HIVEP3: variants seen among roughly 807,000 people sequenced by gnomAD.
HIVEP3 encodes transcription factor HIVEP3.
HIVEP3 carries 49 observed loss-of-function variants against 152.8 expected under a neutral mutation model. The observed-to-expected ratio is 0.32, with a 90% CI of 0.26 to 0.41. The LOEUF is 0.41. Ranked by LOEUF, HIVEP3 falls within the 10% of genes least tolerant of loss-of-function variation. The pLI, the probability that HIVEP3 is intolerant of heterozygous loss-of-function variation, is 1.00. For missense variants in HIVEP3, 2,790 were observed against 3,103.3 expected, an observed-to-expected ratio of 0.90 and a Z score of 2.40; for synonymous variants, 1,269 against 1,289.0, an observed-to-expected ratio of 0.98 and a Z score of 0.33.
intron 1 of HIVEP3, among the ~76,000 whole-genome samples, chr1:41,982,836 A>T (rs1645301005): frequency 6.6e-6 from 1 of 152,248 alleles, no homozygotes; most frequent in Non-Finnish European, 1.5e-5. Flanking sequence ...CCTGGTACAG[A>T]GTAGGTGCCT....
At chr1:41,719,902 C>G (rs1646651243) in intron 1 of HIVEP3, among the ~76,000 whole-genome samples, 1 of 152,228 alleles carries the variant, frequency 6.6e-6, no homozygotes, top group Non-Finnish European at 1.5e-5. Context: ...AGCCCAGACG[C>G]TTCCTGGCTC....
At chr1:41,850,955 C>T (rs922097917) in intron 1 of HIVEP3, among the ~76,000 whole-genome samples, 1 of 152,198 alleles carries the variant, frequency 6.6e-6, no homozygotes, top group African/African-American at 2.4e-5. Context: ...TCATGTCAGG[C>T]TCCTTCTGTA....
At chr1:41,644,415 A>T (rs1395000525) in intron 2 of HIVEP3, among the ~76,000 whole-genome samples, 2 of 152,100 alleles carry the variant, frequency 1.3e-5, no homozygotes, top group African/African-American at 4.8e-5. Context: ...CCTCCTCTCA[A>T]ACCAAAAACC....
intron 1 of HIVEP3, among the ~76,000 whole-genome samples, chr1:41,759,558 A>C (rs1218404668): frequency 2.0e-5 from 3 of 152,186 alleles, no homozygotes; most frequent in Non-Finnish European, 4.4e-5. Context: ...GTATAGACCT[A>C]GGAGTGGAAT....
At chr1:41,611,616 C>A (rs1644897824) in intron 3 of HIVEP3, among the ~76,000 whole-genome samples, 1 of 152,224 alleles carries the variant, frequency 6.6e-6, no homozygotes, top group Admixed American at 6.5e-5. Flanking sequence ...GTGTGTGTCT[C>A]AACCACTTCC....
At chr1:41,989,293 T>A (rs920804178) in intron 1 of HIVEP3, among the ~76,000 whole-genome samples, 4 of 152,142 alleles carry the variant, frequency 2.6e-5, no homozygotes, top group African/African-American at 9.7e-5. Flanking sequence ...TTGCACAGTA[T>A]GTGTACATAT....
At position 41,918,265 on chromosome 1, in the gene HIVEP3, C is replaced by A. The variant is rs555050737; in HGVS notation, c.-801+148G>T. 1 of 153,848 alleles carries A rather than the reference C, an allele frequency of 6.5e-6. No homozygotes were observed. The highest frequency in any genetic ancestry group is 1.5e-5 in the Non-Finnish European group (1 of 68,724). 9.5% of individuals were successfully genotyped at this position (153,848 alleles called of 1,614,324 possible). A position where few individuals can be genotyped will look rare whatever the true frequency, so the allele number is the denominator to read the frequency against. ...CGGCCGGCCCCTGCGTCTCGGCAGC[C>A]GGACACCTTGCCTAAGAAAGGCATA... On this transcript the variant is annotated intron_variant, in intron 1 of 8. Transcript: ENST00000372583. This position sits in a 1 kb window ranked among gnomAD's most constrained non-coding sequence, Gnocchi z 4.3.
intron 1 of HIVEP3, among the ~76,000 whole-genome samples, chr1:41,897,891 G>C (rs1644555332): frequency 6.6e-6 from 1 of 151,186 alleles, no homozygotes; most frequent in Middle Eastern, 3.4e-3. Flanking sequence ...ATTCTTTATT[G>C]CTGGGAGAAG....
At chr1:41,551,149 G>A (rs977925133) in intron 5 of HIVEP3, among the ~76,000 whole-genome samples, 4 of 152,040 alleles carry the variant, frequency 2.6e-5, no homozygotes, top group Non-Finnish European at 4.4e-5. Flanking sequence ...GGTTTTTGTC[G>A]ATGGTTCTGT....
intron 5 of HIVEP3, among the ~76,000 whole-genome samples, chr1:41,540,982 G>A (rs1251750191): frequency 1.3e-5 from 2 of 152,168 alleles, no homozygotes; most frequent in Admixed American, 6.5e-5. Flanking sequence ...CAGCCAGTAG[G>A]TGAGTGGGTG....
rs1644420805 is a variant in HIVEP3 at position 41,509,664 on chromosome 1, T to TG, written c.*786dup. ...GGGAGGTGTCTGGAGTGGGGGTGCG[T>TG]GGGTGGGGTGGCCTGCCCACCTGTG... On this transcript the variant is annotated 3_prime_UTR_variant, in exon 9 of 9. Transcript: ENST00000372583. 1 of 148,962 alleles carries TG rather than the reference T, an allele frequency of 6.7e-6. No individual in the cohort carries two copies. Among genetic ancestry groups the TG allele is most frequent in the Non-Finnish European group, 1.5e-5 (1 of 67,290 alleles). 9.2% of individuals were successfully genotyped at this position (148,962 alleles called of 1,614,324 possible). A position where few individuals can be genotyped will look rare whatever the true frequency, so the allele number is the denominator to read the frequency against.
At chr1:41,534,261 T>C (rs1643342427) in intron 5 of HIVEP3, among the ~76,000 whole-genome samples, 1 of 152,160 alleles carries the variant, frequency 6.6e-6, no homozygotes, top group Non-Finnish European at 1.5e-5. Context: ...AGCGAAGCCC[T>C]GCATTCCTTG....
rs376994410 is a variant in HIVEP3, at chr1:41,717,327, G to GA, written c.-800-16333dup. On this transcript the variant is annotated intron_variant, in intron 1 of 8. Coordinates refer to ENST00000372583, the MANE Select transcript of HIVEP3 (RefSeq NM_024503.5). ...CTATTCTAGGCGGTGAATCAGACAA[G>GA]AAAAACTCCTGTCCTCTTGGAACTT... is the stretch of plus-strand genomic sequence containing the variant. Among the ~76,000 whole-genome samples, 304 of 152,324 alleles carry GA rather than the reference G, an allele frequency of 2.0e-3. 4 individuals are homozygous for GA. In the Middle Eastern group the frequency reaches 0.027, roughly 14 times the overall value.
In HIVEP3 at chr1:41,510,533, T is replaced by C. The variant is rs1283924115; in HGVS notation, c.7139A>G (p.Gln2380Arg). The change falls in exon 9 of 9, where the codon CAG becomes CGG. Residue 2380 changes from glutamine (Q) to arginine (R), a missense_variant. By Grantham distance (43) the Gln-to-Arg change is conservative. Transcript: ENST00000372583. ...RNLSGEPRTR[Q>R]DSPKPSGSGE... is the part of the protein sequence containing the mutation. Reference sequence around the variant, plus strand: ...ACTTCCTGAGGGCTTGGGGGAGTCCTGCCTGGTCCTGGGTTCCCCGGAGAG... The same window carrying C: ...ACTTCCTGAGGGCTTGGGGGAGTCCCGCCTGGTCCTGGGTTCCCCGGAGAG... 2 of 1,586,906 alleles carry C rather than the reference T, an allele frequency of 1.3e-6. No individual in the cohort carries two copies. Among genetic ancestry groups the C allele is most frequent in the Non-Finnish European group, 1.7e-6 (2 of 1,166,750 alleles).
At chr1:41,756,006 T>A (rs1647292267) in intron 1 of HIVEP3, among the ~76,000 whole-genome samples, 1 of 152,216 alleles carries the variant, frequency 6.6e-6, no homozygotes, top group South Asian at 2.1e-4. Flanking sequence ...AAATACAAAT[T>A]GTGTGCACGT....
intron 1 of HIVEP3, among the ~76,000 whole-genome samples, chr1:41,709,879 ATTCTGCTGGCTTTAGCCAGG>A (rs1646488104): frequency 6.6e-6 from 1 of 152,074 alleles, no homozygotes; most frequent in African/African-American, 2.4e-5. Flanking sequence ...GGGAACTAAG[ATTCTGCTGGCTTTAGCCAGG>A]TTCAGCTCAG....
At chr1:41,545,794 TCACC>T (rs1643789170) in intron 5 of HIVEP3, among the ~76,000 whole-genome samples, 1 of 105,310 alleles carries the variant, frequency 9.5e-6, no homozygotes, top group Non-Finnish European at 2.0e-5. Flanking sequence ...ACCACCACCA[TCACC>T]ACCATCACCA....
At chr1:41,974,058 G>A (rs1416797867) in intron 1 of HIVEP3, among the ~76,000 whole-genome samples, 1 of 152,212 alleles carries the variant, frequency 6.6e-6, no homozygotes, top group Non-Finnish European at 1.5e-5. Flanking sequence ...AGCTGGCATA[G>A]AGCAGCCTCT....
chr1:41,550,430 G>A (rs1034690140), intron 5 of HIVEP3, among the ~76,000 whole-genome samples: 2 of 152,142 alleles, frequency 1.3e-5, no homozygotes, highest in Non-Finnish European at 2.9e-5. Context: ...AGCTTGATGG[G>A]GATGGCATTG....
Sources: gnomAD v4.1 joint callset for allele counts (sites outside exome capture counted in the v4.1 genomes callset) on GRCh38, gnomAD v4.1.1 for gene constraint, Gnocchi (gnomAD v3.1) non-coding constraint, MANE v1.5 for transcripts, NCBI Gene and HGNC (gene_info 2026-07-23, HGNC 2026-07-21) for gene names.